The following KCNH1 variants were observed in gnomAD, a reference collection of about 807,000 sequenced individuals.
KCNH1 encodes voltage-gated delayed rectifier potassium channel KCNH1.
KCNH1 carries 27 observed loss-of-function variants against 69.2 expected under a neutral mutation model. The ratio of observed to expected loss-of-function variants is 0.39; its 90% CI spans 0.29 to 0.54. The LOEUF (loss-of-function observed/expected upper bound fraction) is 0.54. Ranked by LOEUF, KCNH1 falls within the 20% of genes least tolerant of loss-of-function variation. The probability of loss-of-function intolerance (pLI) is 0.68; values close to 1 mark genes in which losing one functional copy is unlikely to be tolerated. For missense variants in KCNH1, 798 were observed against 1,261.6 expected (o/e 0.63, Z 5.57); for synonymous variants, 456 against 487.7 (o/e 0.93, Z 0.86).
intron 6 of KCNH1, among the ~76,000 whole-genome samples, chr1:210,950,039 A>T (rs951996398): frequency 1.3e-5 from 2 of 152,156 alleles, no homozygotes; most frequent in Non-Finnish European, 2.9e-5. Context: ...ACACAAAGAG[A>T]ACAAGAACAA....
intron 7 of KCNH1, among the ~76,000 whole-genome samples, chr1:210,879,346 C>T (rs1686447107): frequency 6.6e-6 from 1 of 151,846 alleles, no homozygotes; most frequent in Admixed American, 6.6e-5. Context: ...TGAATAGAGA[C>T]ACAAAAATTC....
At chr1:210,825,950 A>T (rs1290951248) in intron 7 of KCNH1, among the ~76,000 whole-genome samples, 1 of 152,208 alleles carries the variant, frequency 6.6e-6, no homozygotes, top group Non-Finnish European at 1.5e-5. Flanking sequence ...TGGGTGTACA[A>T]TTCAAATAAA....
rs531314357 is a variant in KCNH1 at position 210,979,310 on chromosome 1, G to T, written c.1032+39473C>A. On this transcript the variant is annotated intron_variant, in intron 6 of 10. Transcript: ENST00000271751. ...TCATACAGTTATTTAAGTATAAATG[G>T]TTCTCAGATTGTTGTATAACTTTGG... 6.6e-5 allele frequency among the ~76,000 whole-genome samples: 10 copies of T among 152,268 alleles called. No homozygotes were observed. The South Asian group carries it at 2.1e-3, about 32-fold the overall frequency.
chr1:210,892,232 AC>A (rs1686765960), intron 7 of KCNH1, among the ~76,000 whole-genome samples: 1 of 151,676 alleles, frequency 6.6e-6, no homozygotes, highest in South Asian at 2.1e-4. Flanking sequence ...AAAAAAAACA[AC>A]CCTTATATCC....
At chr1:210,848,095 G>T (rs1474948214) in intron 7 of KCNH1, among the ~76,000 whole-genome samples, 3 of 152,164 alleles carry the variant, frequency 2.0e-5, no homozygotes, top group Admixed American at 6.5e-5. Context: ...GAGAGTTATA[G>T]GTTCTTGGAA....
rs975918697 is a variant in KCNH1 at position 211,107,461 on chromosome 1, G to A, written c.80-84C>T. Reference sequence around the variant, plus strand: ...TCAATGAGGACATAAATAATGTCAAGCAATCCAGATATTTCTGATTCCCTC... The same window carrying A: ...TCAATGAGGACATAAATAATGTCAAACAATCCAGATATTTCTGATTCCCTC... On this transcript the variant is annotated intron_variant, in intron 1 of 10. Transcript: ENST00000271751. 4.4e-6 allele frequency: 6 copies of A among 1,364,512 alleles called. No homozygotes were observed. The African/African-American group carries it at 7.3e-5, about 17-fold the overall frequency. The allele number at this position is 1,364,512 out of a possible 1,614,324, so 84.5% of individuals were successfully genotyped here. A position where few individuals can be genotyped will look rare whatever the true frequency, so the allele number is the denominator to read the frequency against.
chr1:211,101,145 C>T (rs755394801), intron 3 of KCNH1, among the ~76,000 whole-genome samples: 10 of 152,182 alleles, frequency 6.6e-5, no homozygotes, highest in Non-Finnish European at 1.5e-4. Context: ...TATGTGGTGT[C>T]ACCATCAAAG....
intron 7 of KCNH1, among the ~76,000 whole-genome samples, chr1:210,832,907 C>CATATATATATATAT (rs367619819): frequency 0.05 from 5,516 of 110,476 alleles, 313 homozygotes; most frequent in African/African-American, 0.12. Context: ...TTCTCAAATA[C>CATATATATATATAT]ATATATATAT....
chr1:210,946,712 C>T (rs903289737), intron 6 of KCNH1, among the ~76,000 whole-genome samples: 2 of 152,180 alleles, frequency 1.3e-5, no homozygotes, highest in African/African-American at 2.4e-5. Flanking sequence ...CCTTCTCTCC[C>T]GCCGTGTTCT....
chr1:210,696,139 C>A (rs184519082), intron 10 of KCNH1, among the ~76,000 whole-genome samples: 1 of 152,340 alleles, frequency 6.6e-6, no homozygotes, highest in East Asian at 1.9e-4. Context: ...ACAGGTCAAG[C>A]CAAGCTCTCT....
intron 5 of KCNH1, among the ~76,000 whole-genome samples, chr1:211,047,583 A>T (rs1690115674): frequency 6.6e-6 from 1 of 152,212 alleles, no homozygotes; most frequent in African/African-American, 2.4e-5. Context: ...CAAGATCTCC[A>T]TGCCTCAGTT....
intron 5 of KCNH1, among the ~76,000 whole-genome samples, chr1:211,019,631 A>G (rs1290037706): frequency 6.6e-6 from 1 of 152,250 alleles, no homozygotes; most frequent in Non-Finnish European, 1.5e-5. Context: ...ACTGGGGCTC[A>G]AAAAGATTAA....
intron 1 of KCNH1, among the ~76,000 whole-genome samples, chr1:211,114,483 T>TA (rs1691532167): frequency 6.6e-6 from 1 of 152,220 alleles, no homozygotes; most frequent in Non-Finnish European, 1.5e-5. Context: ...TATGTCTGAG[T>TA]AAATTTGCCA....
chr1:211,006,172 A>G (rs989986044), intron 6 of KCNH1, among the ~76,000 whole-genome samples: 3 of 152,162 alleles, frequency 2.0e-5, no homozygotes, highest in Admixed American at 1.3e-4. Context: ...CAATGCAACC[A>G]CTTTGGACAG....
intron 7 of KCNH1, among the ~76,000 whole-genome samples, chr1:210,902,539 C>T (rs117954265): frequency 4.6e-5 from 7 of 152,298 alleles, no homozygotes; most frequent in East Asian, 3.9e-4. Flanking sequence ...TCATTGCTGC[C>T]GGGCAGCCCG....
intron 6 of KCNH1, among the ~76,000 whole-genome samples, chr1:210,930,340 A>C (rs1687657384): frequency 1.3e-5 from 2 of 152,336 alleles, no homozygotes; most frequent in African/African-American, 4.8e-5. Context: ...AAATAAGCAC[A>C]TAGACCAATG....
intron 7 of KCNH1, among the ~76,000 whole-genome samples, chr1:210,901,316 C>T (rs1574327415): frequency 6.6e-6 from 1 of 152,256 alleles, no homozygotes; most frequent in South Asian, 2.1e-4. Flanking sequence ...CCTGGATTTT[C>T]CTCTTTCCGT....
chr1:211,093,671 G>A (rs1691094873), intron 3 of KCNH1, among the ~76,000 whole-genome samples: 1 of 152,184 alleles, frequency 6.6e-6, no homozygotes, highest in Non-Finnish European at 1.5e-5. Context: ...CATACAATCA[G>A]GACATACTGC....
At chr1:210,927,492 T>C (rs1687596668) in intron 6 of KCNH1, among the ~76,000 whole-genome samples, 1 of 152,148 alleles carries the variant, frequency 6.6e-6, no homozygotes, top group Non-Finnish European at 1.5e-5. Context: ...GATGCAATCT[T>C]TTCCAGACAA....
Sources: gnomAD v4.1 joint callset for allele counts (sites outside exome capture counted in the v4.1 genomes callset) on GRCh38, gnomAD v4.1.1 for gene constraint, MANE v1.5 for transcripts, NCBI Gene and HGNC (gene_info 2026-07-23, HGNC 2026-07-21) for gene names.